Variants in TOX2 observed in about 807,000 individuals in gnomAD.
The protein encoded by TOX2 is TOX high mobility group box family member 2.
Under a neutral mutation model 47.4 loss-of-function variants are expected in TOX2, and 15 were observed. The observed-to-expected ratio is 0.32, with a 90% CI of 0.21 to 0.49. The LOEUF is 0.49. Ranked by LOEUF, TOX2 falls within the 20% of genes least tolerant of loss-of-function variation. TOX2 has a pLI of 0.99. For missense variants in TOX2, 622 were observed against 673.1 expected (o/e 0.92, Z 0.84); for synonymous variants, 290 against 296.6 (o/e 0.98, Z 0.23).
rs2071452436 is a variant in TOX2, at chr20:44,048,414, G to GAATT, written c.412-2892_412-2891insAATT. ...TATATATATATATATATATATATAT[G>GAATT]TATAATTTACCAAAACTGACTCGAG... On this transcript the variant is annotated intron_variant, in intron 3 of 8. Coordinates refer to ENST00000341197, the MANE Select transcript of TOX2 (RefSeq NM_001098797.2). 4.2e-5 allele frequency among the ~76,000 whole-genome samples: 5 copies of GAATT among 118,346 alleles called. No homozygotes were observed. In the East Asian group the frequency reaches 9.0e-4, roughly 21 times the overall value. The allele number at this position is 118,346 out of a possible 152,430, so 77.6% of individuals were successfully genotyped here.
At chr20:44,000,476 A>G (rs1302857466) in intron 2 of TOX2, among the ~76,000 whole-genome samples, 1 of 152,138 alleles carries the variant, frequency 6.6e-6, no homozygotes, top group African/African-American at 2.4e-5. Flanking sequence ...AGACTGTGGG[A>G]GGGGTAGGTT....
At chr20:44,014,308 T>A (rs760291229) in intron 3 of TOX2, among the ~76,000 whole-genome samples, 1 of 152,116 alleles carries the variant, frequency 6.6e-6, no homozygotes. Flanking sequence ...GGCCAAAGCC[T>A]GTCATGTGGC....
chr20:44,006,808 C>T lies in TOX2; in HGVS notation c.411+16C>T, dbSNP rs1410663843. The T allele has an allele frequency of 1.2e-6, 2 of 1,609,364 alleles. No individual in the cohort carries two copies. Among genetic ancestry groups the T allele is most frequent in the East Asian group, 2.2e-5 (1 of 44,790 alleles). On this transcript the variant is annotated intron_variant, in intron 3 of 8. Coordinates refer to ENST00000341197, the MANE Select transcript of TOX2 (RefSeq NM_001098797.2). ...GCTGCCCACGGTGAGTCCCTATCGC[C>T]TGCTGCAGTTCCTGCTGATGACAGC...
chr20:44,012,138 G>A (rs1325666430), intron 3 of TOX2, among the ~76,000 whole-genome samples: 6 of 152,198 alleles, frequency 3.9e-5, no homozygotes, highest in Non-Finnish European at 8.8e-5. Context: ...GTCTCATTTC[G>A]AGAGAGATAT....
chr20:43,979,030 G>C (rs1003504143), intron 2 of TOX2, among the ~76,000 whole-genome samples: 89 of 152,132 alleles, frequency 5.9e-4, no homozygotes, highest in African/African-American at 2.1e-3. Context: ...AGGGGTAAAG[G>C]ATGACTCCTA....
In TOX2 at chr20:43,937,965, G is replaced by A. The variant is rs182796272; in HGVS notation, c.99+22975G>A. Reference sequence around the variant, plus strand: ...TTCTTGCCAATGTCTCCATGAAACCGTGCAAGTAGCTGCCCAGTCCTGAGC... The same window carrying A: ...TTCTTGCCAATGTCTCCATGAAACCATGCAAGTAGCTGCCCAGTCCTGAGC... On this transcript the variant is annotated intron_variant, in intron 1 of 8. Coordinates refer to ENST00000341197, the MANE Select transcript of TOX2 (RefSeq NM_001098797.2). 2.6e-5 allele frequency among the ~76,000 whole-genome samples: 4 copies of A among 152,260 alleles called. No individual in the cohort carries two copies. The East Asian group carries it at 7.7e-4, about 29-fold the overall frequency.
chr20:43,933,581 C>T (rs1478797291), intron 1 of TOX2, among the ~76,000 whole-genome samples: 1 of 152,048 alleles, frequency 6.6e-6, no homozygotes, highest in East Asian at 1.9e-4. Context: ...GGTTCTTGTG[C>T]GAGAGGTTTG....
chr20:44,052,283 T>C (rs1463589401), intron 4 of TOX2, among the ~76,000 whole-genome samples: 4 of 152,222 alleles, frequency 2.6e-5, no homozygotes, highest in East Asian at 1.9e-4. Context: ...CTGGCCCTTC[T>C]TTGCATTGAC....
rs73908123 is a variant in TOX2 at position 43,955,391 on chromosome 20, C to T, written c.100-17976C>T. Reference sequence around the variant, plus strand: ...GGCTGGCTTCTGGTTTCTTGGCAGCCAGTGTCTTCTTAGCCACCTGGGGTT... The same window carrying T: ...GGCTGGCTTCTGGTTTCTTGGCAGCTAGTGTCTTCTTAGCCACCTGGGGTT... On this transcript the variant is annotated intron_variant, in intron 1 of 8. Coordinates refer to ENST00000341197, the MANE Select transcript of TOX2 (RefSeq NM_001098797.2). The T allele has an allele frequency of 1.7e-3, 1,362 of 824,866 alleles. 14 individuals are homozygous for T. The African/African-American group carries it at 0.024, about 14-fold the overall frequency. The allele number at this position is 824,866 out of a possible 1,614,324, so 51.1% of individuals were successfully genotyped here. A position where few individuals can be genotyped will look rare whatever the true frequency, so the allele number is the denominator to read the frequency against.
chr20:43,993,693 G>A (rs1387836793), intron 2 of TOX2, among the ~76,000 whole-genome samples: 1 of 152,064 alleles, frequency 6.6e-6, no homozygotes, highest in African/African-American at 2.4e-5. Context: ...TATTGCCTGT[G>A]GCTACTTTCA....
intron 2 of TOX2, among the ~76,000 whole-genome samples, chr20:44,000,640 T>C (rs536496846): frequency 6.6e-6 from 1 of 151,966 alleles, no homozygotes; most frequent in Non-Finnish European, 1.5e-5. Flanking sequence ...CATAATGCCA[T>C]GAGTCTGGAT....
rs151200595 is a variant in TOX2 at position 44,030,832 on chromosome 20, T to C, written c.412-20474T>C. On this transcript the variant is annotated intron_variant, in intron 3 of 8. Coordinates refer to ENST00000341197, the MANE Select transcript of TOX2 (RefSeq NM_001098797.2). ...TAAGAACAAGAGTTTATGGGAAAAATAGAGCTGGGACAAACTACTCAAGGT... is the reference window on the plus strand; with the variant it reads ...TAAGAACAAGAGTTTATGGGAAAAACAGAGCTGGGACAAACTACTCAAGGT... Among the ~76,000 whole-genome samples the C allele has an allele frequency of 1.9e-3, 294 of 152,234 alleles. 3 individuals carry two copies. The highest frequency in any genetic ancestry group is 3.6e-3 in the Non-Finnish European group (246 of 68,026).
At chr20:44,013,778 C>G (rs944714219) in intron 3 of TOX2, among the ~76,000 whole-genome samples, 2 of 152,026 alleles carry the variant, frequency 1.3e-5, no homozygotes, top group Non-Finnish European at 2.9e-5. Flanking sequence ...GTGCTTGGCC[C>G]AGGGTCAGCT....
At chr20:44,051,727 G>A (rs2071515999) in intron 4 of TOX2, among the ~76,000 whole-genome samples, 182 bp downstream of exon 4, 1 of 152,226 alleles carries the variant, frequency 6.6e-6, no homozygotes, top group African/African-American at 2.4e-5. Flanking sequence ...GTCCGCCACA[G>A]AGCTCAGTGG....
At chr20:43,961,378 C>T (rs964740811) in intron 1 of TOX2, among the ~76,000 whole-genome samples, 5 of 152,026 alleles carry the variant, frequency 3.3e-5, no homozygotes, top group African/African-American at 1.2e-4. Context: ...GGCTGGCAGG[C>T]GGCAGATGCT....
intron 3 of TOX2, among the ~76,000 whole-genome samples, chr20:44,040,658 C>T (rs945839866): frequency 1.3e-5 from 2 of 152,190 alleles, no homozygotes; most frequent in African/African-American, 2.4e-5. Context: ...GTGTCTGGCA[C>T]ATATTAAGTG....
rs1600697575 is a variant in TOX2, at chr20:43,973,255, C to T, written c.100-112C>T. 7 of 1,040,724 alleles carry T rather than the reference C, an allele frequency of 6.7e-6. 1 individual carries two copies. In the South Asian group the frequency reaches 8.6e-5, roughly 13 times the overall value. 64.5% of individuals were successfully genotyped at this position (1,040,724 alleles called of 1,614,324 possible). A position where few individuals can be genotyped will look rare whatever the true frequency, so the allele number is the denominator to read the frequency against. On this transcript the variant is annotated intron_variant, in intron 1 of 8. Transcript: ENST00000341197. ...ATCCTGGGCTCTGATTTGCCTTCTG[C>T]AGCTCCCACAGTCCCCTGCAGTCAG... is the stretch of plus-strand genomic sequence containing the variant.
In TOX2 at chr20:44,064,809, G is replaced by C; in HGVS notation, c.912G>C (p.Lys304Asn). The change falls in exon 6 of 9, where the codon AAG becomes AAC. Residue 304 changes from lysine to asparagine, a missense_variant. By Grantham distance (94) the Lys-to-Asn change is moderately conservative. Transcript: ENST00000341197. ...AYKRKTEAAK[K>N]EYLKALAAYR... ...AGAGGAAGACAGAAGCAGCAAAGAAGGAATATCTGAAGGCCCTGGCAGCCT... is the reference window on the plus strand; with the variant it reads ...AGAGGAAGACAGAAGCAGCAAAGAACGAATATCTGAAGGCCCTGGCAGCCT... 4 of 1,614,164 alleles carry C rather than the reference G, an allele frequency of 2.5e-6. No individual in the cohort carries two copies. The highest frequency in any genetic ancestry group is 2.5e-6 in the Non-Finnish European group (3 of 1,180,036).
intron 3 of TOX2, among the ~76,000 whole-genome samples, chr20:44,013,389 G>A (rs1215357694): frequency 6.6e-6 from 1 of 152,108 alleles, no homozygotes; most frequent in Non-Finnish European, 1.5e-5. Context: ...TATCCCTGTT[G>A]GATTCTCACA....
Sources: allele counts gnomAD v4.1 joint callset (sites outside exome capture counted in the v4.1 genomes callset), GRCh38; gene constraint gnomAD v4.1.1; transcripts MANE v1.5; gene names NCBI Gene and HGNC (gene_info 2026-07-23, HGNC 2026-07-21).